PIAS3: variants seen among roughly 807,000 people sequenced by gnomAD.
The protein encoded by PIAS3 is protein inhibitor of activated STAT 3.
PIAS3 carries 34 observed loss-of-function variants against 67.6 expected under a neutral mutation model. The ratio of observed to expected loss-of-function variants is 0.50; its 90% confidence interval spans 0.38 to 0.67. The LOEUF is 0.67. Among genes scored for constraint, PIAS3 ranks in the 30% least tolerant of loss-of-function variants. The pLI is 0.00. For synonymous variants in PIAS3, 341 were observed against 313.8 expected (o/e 1.09, Z -0.92); for missense variants, 693 against 791.6 (o/e 0.88, Z 1.49).
intron 9 of PIAS3, chr1:145,851,385 G>C (rs946783316): frequency 6.1e-6 from 3 of 492,784 alleles, no homozygotes; most frequent in Non-Finnish European, 1.1e-5. Context: ...GCTGGGTGCA[G>C]TGGCTCACGC....
At position 145,849,530 on chromosome 1, in the gene PIAS3, C is replaced by A; in HGVS notation, c.1803G>T (p.Gly601=). ...GRVSSIVAPG[G]ALREGHGGPL... ...GTCCTCCATGCCCCTCCCTCAAGGC[C>A]CCCCCAGGGGCCACAATGCTGCTGA... Residue 601 remains glycine, a synonymous_variant, in exon 14 of 14, where the codon GGG becomes GGT. Transcript: ENST00000393045. 1 of 1,583,426 alleles carries A rather than the reference C, an allele frequency of 6.3e-7. No homozygotes were observed. Among genetic ancestry groups the A allele is most frequent in the African/African-American group, 1.4e-5 (1 of 73,304 alleles).
chr1:145,855,247 C>T (rs1346730451), intron 5 of PIAS3, among the ~76,000 whole-genome samples: 3 of 152,188 alleles, frequency 2.0e-5, no homozygotes, highest in East Asian at 3.9e-4. Context: ...TTTAGGAAGC[C>T]GAGGTGGGTG....
intron 7 of PIAS3, chr1:145,854,142 G>A: frequency 1.7e-6 from 1 of 595,462 alleles, no homozygotes; most frequent in Non-Finnish European, 3.0e-6. Flanking sequence ...AGGAGTTGAA[G>A]CATCATGTGA....
rs1425765535 is a variant in PIAS3, at chr1:145,850,869, C to T, written c.1350G>A (p.Leu450=). Residue 450 remains leucine, a synonymous_variant, in exon 11 of 14, where the codon TTG becomes TTA. Transcript: ENST00000393045. ...ENKKKVEVID[L]TIESSSDEED... ...CCTCATCTGATGAGCTTTCTATTGTCAAGTCAATAACTTCGACCTTCTTCT... is the reference window on the plus strand; with the variant it reads ...CCTCATCTGATGAGCTTTCTATTGTTAAGTCAATAACTTCGACCTTCTTCT... 6.2e-7 allele frequency: 1 copy of T among 1,614,100 alleles called. No individual in the cohort carries two copies. Among genetic ancestry groups the T allele is most frequent in the Non-Finnish European group, 8.5e-7 (1 of 1,180,026 alleles).
intron 13 of PIAS3, 71 bp downstream of exon 13, chr1:145,850,161 G>A: frequency 1.2e-6 from 2 of 1,609,538 alleles, no homozygotes; most frequent in Non-Finnish European, 1.7e-6. Flanking sequence ...CATAAGAGAG[G>A]GAGGGGCCCC....
Position 145,854,972 on chromosome 1 carries a change from TC to T in PIAS3, c.670-93del, listed in dbSNP as rs1246208781. 12 of 1,492,382 alleles carry T rather than the reference TC, an allele frequency of 8.0e-6. No homozygotes were observed. The Admixed American group carries it at 2.0e-4, about 24-fold the overall frequency. 92.4% of individuals were successfully genotyped at this position (1,492,382 alleles called of 1,614,324 possible). On this transcript the variant is annotated intron_variant, in intron 5 of 13. Coordinates refer to ENST00000393045, the MANE Select transcript of PIAS3 (RefSeq NM_006099.3). ...AGATATCTTGTCTCGGGTTATTCAA[TC>T]CCTGGAGGGAAGGCCAACTCGCTCA...
intron 13 of PIAS3, chr1:145,849,956 T>A: frequency 7.0e-7 from 1 of 1,423,040 alleles, no homozygotes; most frequent in Non-Finnish European, 9.1e-7. Context: ...ATGTGTGGAA[T>A]GTCCGGTTAG....
At chr1:145,858,909 C>G in intron 1 of PIAS3, 58 bp downstream of exon 1, 1 of 1,444,664 alleles carries the variant, frequency 6.9e-7, no homozygotes, top group Non-Finnish European at 9.1e-7. Flanking sequence ...GGTCGCTTCC[C>G]GGACACGGCG....
rs1431529211 is a variant in PIAS3, at chr1:145,856,079, C to T, written c.567G>A (p.Gln189=). The change falls in exon 4 of 14, where the codon CAG becomes CAA. Residue 189 remains glutamine, a synonymous_variant. Transcript: ENST00000393045. ...GAGGATGAACTCACCTTAGCTGCAC[C>T]TGTATGGTATAATCACATTTGGCTC... ...LPGAKCDYTI[Q]VQLRFCLCET... 7 of 1,613,746 alleles carry T rather than the reference C, an allele frequency of 4.3e-6. No homozygotes were observed. Among genetic ancestry groups the T allele is most frequent in the African/African-American group, 1.3e-5 (1 of 74,858 alleles).
At chr1:145,856,266 T>G in intron 3 of PIAS3, 81 bp downstream of exon 3, 1 of 1,279,948 alleles carries the variant, frequency 7.8e-7, no homozygotes, top group Non-Finnish European at 1.1e-6. Context: ...GGAGGAGGGA[T>G]AGGGAAGAGC....
chr1:145,854,900 G>C lies in PIAS3; in HGVS notation c.670-20C>G. 1.2e-6 allele frequency: 2 copies of C among 1,613,840 alleles called. No homozygotes were observed. The highest frequency in any genetic ancestry group is 1.7e-6 in the Non-Finnish European group (2 of 1,179,796). Reference sequence around the variant, plus strand: ...GTAACCCTGGAGAAGGGAGGGATTGGTCAGTGGAGAAGTGGCTCTGGGAAG... The same window carrying C: ...GTAACCCTGGAGAAGGGAGGGATTGCTCAGTGGAGAAGTGGCTCTGGGAAG... On this transcript the variant is annotated intron_variant, in intron 5 of 13. Transcript: ENST00000393045.
At chr1:145,850,127 AAGC>A (rs1393563874) in intron 13 of PIAS3, 102 bp downstream of exon 13, 36 of 1,583,180 alleles carry the variant, frequency 2.3e-5, no homozygotes, top group Non-Finnish European at 1.7e-6. Flanking sequence ...CCTCACGGGA[AAGC>A]AGATTTACAT....
rs1320379195 is a variant in PIAS3, at chr1:145,858,855, C to G, written c.24+112G>C. 3 of 983,014 alleles carry G rather than the reference C, an allele frequency of 3.1e-6. No individual in the cohort carries two copies. In the East Asian group the frequency reaches 9.7e-5, roughly 32 times the overall value. 60.9% of individuals were successfully genotyped at this position (983,014 alleles called of 1,614,324 possible). ...CTCTCCCATCCTCAGCAGCTCGTGCCTGCCACGTCGTCGGCGCCCACCCGA... is the reference window on the plus strand; with the variant it reads ...CTCTCCCATCCTCAGCAGCTCGTGCGTGCCACGTCGTCGGCGCCCACCCGA... On this transcript the variant is annotated intron_variant, in intron 1 of 13. Transcript: ENST00000393045.
rs1570770255 is a variant in PIAS3, at chr1:145,849,551, G to A, written c.1782C>T (p.Ser594=). Residue 594 remains serine, a synonymous_variant, in exon 14 of 14, where the codon AGC becomes AGT. Transcript: ENST00000393045. ...AGGCCCCCCCAGGGGCCACAATGCT[G>A]CTGACACGGCCAGGAGGGGGCGCCG... ...ATPAPPPGRV[S]SIVAPGGALR... 1.2e-6 allele frequency: 2 copies of A among 1,604,990 alleles called. No homozygotes were observed. Among genetic ancestry groups the A allele is most frequent in the Non-Finnish European group, 8.5e-7 (1 of 1,175,736 alleles).
Position 145,849,171 on chromosome 1 carries a change from G to T in PIAS3, c.*275C>A. ...TCCTAGCTCACATACCATCCCATTT[G>T]CCTCCCACTGCCTAGGTTAACATAC... On this transcript the variant is annotated 3_prime_UTR_variant, in exon 14 of 14. Transcript: ENST00000393045. 1 of 296,726 alleles carries T rather than the reference G, an allele frequency of 3.4e-6. No individual in the cohort carries two copies. The highest frequency in any genetic ancestry group is 5.4e-5 in the East Asian group (1 of 18,478). 18.4% of individuals were successfully genotyped at this position (296,726 alleles called of 1,614,324 possible).
chr1:145,853,870 A>G lies in PIAS3; in HGVS notation c.927T>C (p.Thr309=). The G allele has an allele frequency of 6.2e-7, 1 of 1,614,054 alleles. No individual in the cohort carries two copies. Among genetic ancestry groups the G allele is most frequent in the Admixed American group, 1.7e-5 (1 of 60,018 alleles). The part of the protein sequence containing the change: ...HSRALIKEKL[T]ADPDSEVATT... ...TGGCCACCTCACTGTCAGGGTCAGC[A>G]GTCAATTTCTCCTTGACTGAAACAA... is the stretch of plus-strand genomic sequence containing the variant. The change falls in exon 8 of 14, where the codon ACT becomes ACC. Residue 309 remains threonine, a synonymous_variant. Transcript: ENST00000393045.
chr1:145,853,957 G>A, intron 7 of PIAS3, 71 bp from the exon 8 acceptor site: 1 of 1,351,292 alleles, frequency 7.4e-7, no homozygotes. Flanking sequence ...GGTAAGGCCA[G>A]GAACAGATGG....
rs1553735717 is a variant in PIAS3, at chr1:145,856,717, G to A, written c.314C>T (p.Thr105Ile). 2 of 1,613,414 alleles carry A rather than the reference G, an allele frequency of 1.2e-6. No individual in the cohort carries two copies. Among genetic ancestry groups the A allele is most frequent in the Non-Finnish European group, 1.7e-6 (2 of 1,179,564 alleles). ...CACCTCACGCTTGGGGCCCAGCAGG[G>A]TGCCAGGGGCCAACAGCGTTGGGGG... ...PIPPTLLAPG[T>I]LLGPKREVDM... Residue 105 changes from threonine to isoleucine, a missense_variant, in exon 2 of 14, where the codon ACC (threonine) becomes ATC (isoleucine). Thr to Ile is a moderately conservative substitution (Grantham distance 89, BLOSUM62 -1). Coordinates refer to ENST00000393045, the MANE Select transcript of PIAS3 (RefSeq NM_006099.3).
chr1:145,848,724 G>A lies in PIAS3; in HGVS notation c.*722C>T. On this transcript the variant is annotated 3_prime_UTR_variant, in exon 14 of 14. Coordinates refer to ENST00000393045, the MANE Select transcript of PIAS3 (RefSeq NM_006099.3). ...CCATGAGCCTCTAGAAGCTTAGGGG[G>A]GAATAAGAAACACTGTGAACTTAGA... The A allele has an allele frequency of 4.4e-6, 2 of 449,602 alleles. No homozygotes were observed. Among genetic ancestry groups the A allele is most frequent in the Non-Finnish European group, 3.9e-6 (1 of 253,920 alleles). The allele number at this position is 449,602 out of a possible 1,614,324, so 27.9% of individuals were successfully genotyped here.
Sources: allele counts gnomAD v4.1 joint callset (sites outside exome capture counted in the v4.1 genomes callset), GRCh38; gene constraint gnomAD v4.1.1; transcripts MANE v1.5; gene names NCBI Gene and HGNC (gene_info 2026-07-23, HGNC 2026-07-21).